Variants in MTNR1B observed in about 807,000 individuals in gnomAD.
MTNR1B encodes the protein melatonin receptor 1B, also known as melatonin receptor type 1B.
Under a neutral mutation model 7.0 loss-of-function variants are expected in MTNR1B, and 7 were observed. The observed-to-expected ratio is 1.00, with a 90% confidence interval of 0.57 to 1.88. The LOEUF (loss-of-function observed/expected upper bound fraction) is 1.88. MTNR1B is among the 40% of genes most tolerant of loss of function. MTNR1B has a pLI of 0.00. For synonymous variants in MTNR1B, 226 were observed against 208.2 expected (o/e 1.09, Z -0.74); for missense variants, 478 against 486.5 (o/e 0.98, Z 0.16).
At chr11:92,970,360 A>G (rs989469657) in intron 1 of MTNR1B, among the ~76,000 whole-genome samples, 3 of 152,190 alleles carry the variant, frequency 2.0e-5, no homozygotes, top group Non-Finnish European at 2.9e-5. Context: ...CTGTAGCTTT[A>G]TGTAGTAGTC....
downstream of MTNR1B, among the ~76,000 whole-genome samples, chr11:92,984,409 G>C (rs1858165903): frequency 1.3e-5 from 2 of 152,120 alleles, no homozygotes; most frequent in South Asian, 4.2e-4. Context: ...GCTCCACCCA[G>C]GGAGACCTCT....
rs144231044 is a variant in MTNR1B at position 92,969,869 on chromosome 11, C to T, written c.144C>T (p.Ile48=). The change falls in exon 1 of 2, where the codon ATC becomes ATT. Residue 48 remains isoleucine (I), a synonymous_variant. Transcript: ENST00000257068. ...CTCCAGCGCTGTCCGCGGTGCTCAT[C>T]GTCACCACCGCCGTGGACGTCGTGG... The part of the protein sequence containing the change: ...WVAPALSAVL[I]VTTAVDVVGN... 171 of 1,611,738 alleles carry T rather than the reference C, an allele frequency of 1.1e-4. No homozygotes were observed. Among genetic ancestry groups the T allele is most frequent in the Non-Finnish European group, 1.4e-4 (167 of 1,179,572 alleles).
In MTNR1B at chr11:92,982,345, A is replaced by G; in HGVS notation, c.*33A>G. On this transcript the variant is annotated 3_prime_UTR_variant, in exon 2 of 2. Coordinates refer to ENST00000257068, the MANE Select transcript of MTNR1B (RefSeq NM_005959.5). ...CTGAGGCACACCAGCAGCATGACAA[A>G]CTCATGAAATGGTGGGAGAGAGTCT... 6.3e-7 allele frequency: 1 copy of G among 1,588,508 alleles called. No individual in the cohort carries two copies. The highest frequency in any genetic ancestry group is 8.6e-7 in the Non-Finnish European group (1 of 1,169,090).
At chr11:92,983,432 C>T (rs554943902), downstream of MTNR1B, among the ~76,000 whole-genome samples, 1 of 151,338 alleles carries the variant, frequency 6.6e-6, no homozygotes, top group East Asian at 2.0e-4. Context: ...AGGATCACTT[C>T]AGCTCAGCAG....
At chr11:92,979,101 G>A (rs1427851553) in intron 1 of MTNR1B, among the ~76,000 whole-genome samples, 1 of 152,242 alleles carries the variant, frequency 6.6e-6, no homozygotes, top group African/African-American at 2.4e-5. Flanking sequence ...AGGAGCTCAT[G>A]TAGGAATAGT....
intron 1 of MTNR1B, chr11:92,972,369 A>C (rs1458832959): frequency 2.2e-6 from 1 of 455,500 alleles, no homozygotes; most frequent in African/African-American, 2.0e-5. Context: ...TCACAAACCC[A>C]GTTCCTCTAT....
chr11:92,972,061 G>T (rs1433554389), intron 1 of MTNR1B, among the ~76,000 whole-genome samples: 2 of 152,184 alleles, frequency 1.3e-5, no homozygotes, highest in African/African-American at 4.8e-5. Flanking sequence ...GTACTGACTT[G>T]AACTAAATGA....
intron 1 of MTNR1B, among the ~76,000 whole-genome samples, chr11:92,971,135 A>G (rs1857915687): frequency 6.6e-6 from 1 of 151,886 alleles, no homozygotes; most frequent in Non-Finnish European, 1.5e-5. Flanking sequence ...AATTTTTTAT[A>G]TTTTTGGTAG....
intron 1 of MTNR1B, among the ~76,000 whole-genome samples, chr11:92,971,668 A>T (rs374561629): frequency 6.6e-6 from 1 of 152,122 alleles, no homozygotes; most frequent in Admixed American, 6.5e-5. Context: ...CTCCCTGCTC[A>T]GTAATTTGGA....
intron 1 of MTNR1B, among the ~76,000 whole-genome samples, chr11:92,975,514 C>T (rs1271481715): frequency 1.3e-5 from 2 of 152,162 alleles, no homozygotes; most frequent in South Asian, 2.1e-4. Flanking sequence ...TCCTCCAGGC[C>T]CCCAGTGATG....
chr11:92,971,404 A>G (rs933699662), intron 1 of MTNR1B, among the ~76,000 whole-genome samples: 3 of 152,222 alleles, frequency 2.0e-5, no homozygotes, highest in Admixed American at 6.5e-5. Flanking sequence ...TCTGGAATAC[A>G]TTGTTCAAAA....
chr11:92,977,727 A>G (rs1206588339), intron 1 of MTNR1B, among the ~76,000 whole-genome samples: 1 of 152,210 alleles, frequency 6.6e-6, no homozygotes, highest in African/African-American at 2.4e-5. Flanking sequence ...TAACAGTTCC[A>G]TGGGCATCTC....
rs759259544 is a variant in MTNR1B at position 92,982,354 on chromosome 11, ATGG to A, written c.*46_*48del. 17 of 1,581,238 alleles carry A rather than the reference ATGG, an allele frequency of 1.1e-5. No individual in the cohort carries two copies. In the South Asian group the frequency reaches 1.9e-4, roughly 18 times the overall value. On this transcript the variant is annotated 3_prime_UTR_variant, in exon 2 of 2. Coordinates refer to ENST00000257068, the MANE Select transcript of MTNR1B (RefSeq NM_005959.5). The stretch of plus-strand genomic sequence containing the variant: ...ACCAGCAGCATGACAAACTCATGAA[ATGG>A]TGGGAGAGAGTCTGCTGCAAGGGTG...
intron 1 of MTNR1B, among the ~76,000 whole-genome samples, chr11:92,976,083 C>A (rs2136512774): frequency 6.6e-6 from 1 of 152,288 alleles, no homozygotes; most frequent in Middle Eastern, 3.4e-3. Context: ...GCTAATAATC[C>A]TCTTTAATTC....
chr11:92,980,887 A>G (rs1168144908), intron 1 of MTNR1B, among the ~76,000 whole-genome samples: 1 of 152,258 alleles, frequency 6.6e-6, no homozygotes, highest in Non-Finnish European at 1.5e-5. Context: ...CTTCTAGTCC[A>G]GCTGCAAAAT....
rs369557205 is a variant in MTNR1B, at chr11:92,981,965, C to T, written c.742C>T (p.Arg248Trp). 2.8e-5 allele frequency: 46 copies of T among 1,614,128 alleles called. No individual in the cohort carries two copies. The highest frequency in any genetic ancestry group is 3.5e-5 in the Non-Finnish European group (41 of 1,180,058). The change falls in exon 2 of 2, where the codon CGG becomes TGG. Residue 248 changes from arginine to tryptophan, a missense_variant. By Grantham distance (101) the Arg-to-Trp change is moderately radical. Coordinates refer to ENST00000257068, the MANE Select transcript of MTNR1B (RefSeq NM_005959.5). The stretch of plus-strand genomic sequence containing the variant: ...GCTGTGCCTGAAGCCCAGCGACTTG[C>T]GGAGCTTTCTAACCATGTTTGTGGT... ...SRLCLKPSDL[R>W]SFLTMFVVFV...
chr11:92,979,420 C>T (rs1046399326), intron 1 of MTNR1B, among the ~76,000 whole-genome samples: 1 of 152,150 alleles, frequency 6.6e-6, no homozygotes, highest in African/African-American at 2.4e-5. Flanking sequence ...CCAAGCAGGT[C>T]CTTGTTGCAC....
At position 92,972,383 on chromosome 11, in the gene MTNR1B, G is replaced by A. The variant is rs1441670807; in HGVS notation, c.223+2435G>A. 10 of 456,066 alleles carry A rather than the reference G, an allele frequency of 2.2e-5. 1 individual carries two copies. The Admixed American group carries it at 2.3e-4, about 11-fold the overall frequency. The allele number at this position is 456,066 out of a possible 1,614,324, so 28.3% of individuals were successfully genotyped here. A position where few individuals can be genotyped will look rare whatever the true frequency, so the allele number is the denominator to read the frequency against. On this transcript the variant is annotated intron_variant, in intron 1 of 1. Transcript: ENST00000257068. ...ATCACAAACCCAGTTCCTCTATGGAGCAGATCTGTATCATTCCTAACAGTG... is the reference window on the plus strand; with the variant it reads ...ATCACAAACCCAGTTCCTCTATGGAACAGATCTGTATCATTCCTAACAGTG...
chr11:92,969,666 C>T lies in MTNR1B; in HGVS notation c.-60C>T. ...AGAGAGCGCCCGGCTCAGTACTGCGCGCGCCCTGCGGCTGTCCGGGGCCGC... is the reference window on the plus strand; with the variant it reads ...AGAGAGCGCCCGGCTCAGTACTGCGTGCGCCCTGCGGCTGTCCGGGGCCGC... On this transcript the variant is annotated 5_prime_UTR_variant, in exon 1 of 2. Transcript: ENST00000257068. 1.5e-6 allele frequency: 2 copies of T among 1,371,468 alleles called. No individual in the cohort carries two copies. The highest frequency in any genetic ancestry group is 3.2e-5 in the Admixed American group (1 of 30,944). 85.0% of individuals were successfully genotyped at this position (1,371,468 alleles called of 1,614,324 possible).
Sources: allele counts gnomAD v4.1 joint callset (sites outside exome capture counted in the v4.1 genomes callset), GRCh38; gene constraint gnomAD v4.1.1; transcripts MANE v1.5; gene names NCBI Gene and HGNC (gene_info 2026-07-23, HGNC 2026-07-21).